The following GRIP1 variants were observed in gnomAD, a reference collection of about 807,000 sequenced individuals.
GRIP1 encodes glutamate receptor interacting protein 1.
Under a neutral mutation model 129.9 loss-of-function variants are expected in GRIP1, and 45 were observed. The ratio of observed to expected loss-of-function variants is 0.35; its 90% confidence interval spans 0.27 to 0.44. GRIP1 has a LOEUF of 0.44. GRIP1 is among the 20% of genes least tolerant of loss of function. The probability of loss-of-function intolerance (pLI) is 1.00; values close to 1 mark genes in which losing one functional copy is unlikely to be tolerated. For synonymous variants in GRIP1, 530 were observed against 520.8 expected (o/e 1.02, Z -0.24); for missense variants, 1,196 against 1,396.8 (o/e 0.86, Z 2.29).
chr12:66,659,270 T>A (rs2033355121), intron 1 of GRIP1, among the ~76,000 whole-genome samples: 1 of 152,248 alleles, frequency 6.6e-6, no homozygotes, highest in Admixed American at 6.5e-5. Context: ...GAGTGTGCAT[T>A]TATTTGAATA....
intron 1 of GRIP1, among the ~76,000 whole-genome samples, chr12:66,619,656 T>A (rs896756561): frequency 2.6e-5 from 4 of 152,176 alleles, no homozygotes; most frequent in Non-Finnish European, 4.4e-5. Context: ...AACTTTTTAA[T>A]TTTTATCTGC....
At chr12:66,703,057 G>A (rs567191546) in intron 1 of GRIP1, among the ~76,000 whole-genome samples, 1 of 152,276 alleles carries the variant, frequency 6.6e-6, no homozygotes, top group East Asian at 1.9e-4. Context: ...CCAGGATAGA[G>A]TCTGCAACAT....
chr12:66,988,842 A>G (rs918617917), intron 1 of GRIP1, among the ~76,000 whole-genome samples: 20 of 152,210 alleles, frequency 1.3e-4, no homozygotes, highest in Non-Finnish European at 2.1e-4. Context: ...CTCAATAAAG[A>G]ATGATTTGAT....
intron 4 of GRIP1, among the ~76,000 whole-genome samples, chr12:66,533,675 C>A (rs1243787252): frequency 6.6e-6 from 1 of 151,984 alleles, no homozygotes; most frequent in South Asian, 2.1e-4. Context: ...ACATAAATAT[C>A]TAAGATACAG....
intron 1 of GRIP1, among the ~76,000 whole-genome samples, chr12:66,865,457 C>A (rs1248817563): frequency 2.7e-5 from 4 of 148,160 alleles, no homozygotes; most frequent in Non-Finnish European, 6.0e-5. Context: ...ATAGAGCTAG[C>A]AGATCTTTGT....
intron 1 of GRIP1, among the ~76,000 whole-genome samples, chr12:67,066,909 T>TATATATATATAC (rs1555170047): frequency 7.0e-6 from 1 of 142,068 alleles, no homozygotes; most frequent in Non-Finnish European, 1.5e-5. Context: ...TATATATATA[T>TATATATATATAC]ATACACACAC....
At chr12:66,438,630 G>T (rs573666097) in intron 13 of GRIP1, among the ~76,000 whole-genome samples, 4 of 152,002 alleles carry the variant, frequency 2.6e-5, no homozygotes, top group African/African-American at 9.6e-5. Flanking sequence ...CTGGTAGCTA[G>T]GATCACAGGC....
chr12:66,347,777 T>TAAAC lies in GRIP1; in HGVS notation c.*1238_*1241dup, dbSNP rs2054040694. Reference sequence around the variant, plus strand: ...AGGTGATTTTTTTTTTATATTTCCTTAAACAAAGGACACAGTGTTCGAATA... The same window carrying TAAAC: ...AGGTGATTTTTTTTTTATATTTCCTTAAACAAACAAAGGACACAGTGTTCGAATA... On this transcript the variant is annotated 3_prime_UTR_variant, in exon 25 of 25. Coordinates refer to ENST00000359742, the MANE Select transcript of GRIP1 (RefSeq NM_001366722.1). 2 of 152,114 alleles carry TAAAC rather than the reference T, an allele frequency of 1.3e-5. No individual in the cohort carries two copies. The highest frequency in any genetic ancestry group is 2.9e-5 in the Non-Finnish European group (2 of 68,022). 9.4% of individuals were successfully genotyped at this position (152,114 alleles called of 1,614,324 possible).
In GRIP1 at chr12:66,835,714, A is replaced by C. The variant is rs2137032342; in HGVS notation, c.58+233336T>G. ...ACTTGGAGAAAGCAAAACTAAGGACAGTAAAAAGAACAGTGATTGTTGGGT... is the reference window on the plus strand; with the variant it reads ...ACTTGGAGAAAGCAAAACTAAGGACCGTAAAAAGAACAGTGATTGTTGGGT... On this transcript the variant is annotated intron_variant, in intron 1 of 1. Transcript: ENST00000643019. 2.0e-5 allele frequency among the ~76,000 whole-genome samples: 3 copies of C among 152,366 alleles called. No individual in the cohort carries two copies. The South Asian group carries it at 6.2e-4, about 32-fold the overall frequency.
chr12:66,439,601 T>G (rs1209511222), intron 13 of GRIP1, among the ~76,000 whole-genome samples: 5 of 152,224 alleles, frequency 3.3e-5, no homozygotes, highest in African/African-American at 4.8e-5. Flanking sequence ...ATCAACTATG[T>G]GTGCCTCAAT....
At chr12:66,952,694 A>C (rs1392688135) in intron 1 of GRIP1, among the ~76,000 whole-genome samples, 2 of 152,166 alleles carry the variant, frequency 1.3e-5, no homozygotes, top group African/African-American at 4.8e-5. Context: ...ATCTCAATAG[A>C]GTTCAAATTT....
chr12:66,680,507 A>C (rs1458334162), upstream of GRIP1, among the ~76,000 whole-genome samples: 3 of 152,132 alleles, frequency 2.0e-5, no homozygotes, highest in Admixed American at 1.3e-4. Flanking sequence ...TACTATATTA[A>C]ATGGACTGCA....
At chr12:66,513,436 A>G (rs1222632726) in intron 7 of GRIP1, among the ~76,000 whole-genome samples, 4 of 152,034 alleles carry the variant, frequency 2.6e-5, no homozygotes, top group Non-Finnish European at 4.4e-5. Flanking sequence ...TATTTTAGCT[A>G]TTAAAGCTTC....
chr12:66,828,616 T>C (rs947286989), intron 1 of GRIP1, among the ~76,000 whole-genome samples: 2 of 152,194 alleles, frequency 1.3e-5, no homozygotes, highest in Admixed American at 1.3e-4. Context: ...TTTACCCTCA[T>C]CATTTTTCAG....
intron 11 of GRIP1, among the ~76,000 whole-genome samples, chr12:66,452,142 T>C (rs61690286): frequency 0.23 from 35,034 of 152,068 alleles, 4,526 homozygotes; most frequent in Middle Eastern, 0.42. Flanking sequence ...GGTACAGTGG[T>C]GGGGAACAGA....
At chr12:66,409,904 C>T (rs2057324851) in intron 15 of GRIP1, among the ~76,000 whole-genome samples, 1 of 152,048 alleles carries the variant, frequency 6.6e-6, no homozygotes, top group Admixed American at 6.6e-5. Context: ...ATGCAATTGA[C>T]ACACTAAAAA....
intron 1 of GRIP1, among the ~76,000 whole-genome samples, chr12:66,923,654 TACAGAGTAAGA>T (rs1376274606): frequency 6.6e-6 from 1 of 152,184 alleles, no homozygotes; most frequent in East Asian, 1.9e-4. Context: ...TTTGAGTCAG[TACAGAGTAAGA>T]ACCCAGTTCC....
At chr12:66,363,706 C>T (rs2054948112) in intron 23 of GRIP1, among the ~76,000 whole-genome samples, 1 of 151,858 alleles carries the variant, frequency 6.6e-6, no homozygotes, top group South Asian at 2.1e-4. Context: ...ACCTAGAGGA[C>T]ATTATGTTAA....
At chr12:66,431,254 A>G (rs1415651122) in intron 14 of GRIP1, among the ~76,000 whole-genome samples, 4 of 152,142 alleles carry the variant, frequency 2.6e-5, no homozygotes, top group African/African-American at 7.2e-5. Flanking sequence ...AAGTGACCCA[A>G]TTAAAGGAAT....
Sources: allele counts gnomAD v4.1 joint callset (sites outside exome capture counted in the v4.1 genomes callset), GRCh38; gene constraint gnomAD v4.1.1; transcripts MANE v1.5; gene names NCBI Gene and HGNC (gene_info 2026-07-23, HGNC 2026-07-21).